Variants in KRT5 observed in about 807,000 individuals in gnomAD.
The protein encoded by KRT5 is keratin, type II cytoskeletal 5.
KRT5 carries 17 observed loss-of-function variants against 44.0 expected under a neutral mutation model. The ratio of observed to expected loss-of-function variants is 0.39; its 90% CI spans 0.26 to 0.58. The LOEUF (loss-of-function observed/expected upper bound fraction) is 0.58, where lower values mean the gene tolerates loss of function less well. Among genes scored for constraint, KRT5 ranks in the 20% least tolerant of loss-of-function variants. The pLI is 0.61. For missense variants in KRT5, 737 were observed against 785.5 expected, an observed-to-expected ratio of 0.94 and a Z score of 0.74; for synonymous variants, 329 against 312.8, an observed-to-expected ratio of 1.05 and a Z score of -0.55.
In KRT5 at chr12:52,514,984, A is replaced by G. The variant is rs374289543; in HGVS notation, c.1731T>C (p.Phe577=). 6 of 1,613,444 alleles carry G rather than the reference A, an allele frequency of 3.7e-6. No homozygotes were observed. In the African/African-American group the frequency reaches 6.7e-5, roughly 18 times the overall value. Residue 577 remains phenylalanine (F), a synonymous_variant, in exon 9 of 9, where the codon TTT becomes TTC. Coordinates refer to ENST00000252242, the MANE Select transcript of KRT5 (RefSeq NM_000424.4). The part of the protein sequence containing the change: ...SGGGSSSSVK[F]VSTTSSSRKS... ...TCCGGGAGGAGGAGGTGGTGGAGAC[A>G]AATTTGACGCTGGAGCTGCTACCCC...
rs1322269508 is a variant in KRT5, at chr12:52,516,807, C to G, written c.1269G>C (p.Leu423=). 6.2e-7 allele frequency: 1 copy of G among 1,614,092 alleles called. No individual in the cohort carries two copies. Residue 423 remains leucine, a synonymous_variant, in exon 7 of 9, where the codon CTG becomes CTC. Coordinates refer to ENST00000252242, the MANE Select transcript of KRT5 (RefSeq NM_000424.4). ...AIADAEQRGE[L]ALKDARNKLA... Reference sequence around the variant, plus strand: ...GCTTGTTCCTGGCATCCTTGAGGGCCAGCTCCCCACGCTGCTCGGCATCCG... The same window carrying G: ...GCTTGTTCCTGGCATCCTTGAGGGCGAGCTCCCCACGCTGCTCGGCATCCG...
intron 2 of KRT5, 37 bp from the exon 3 acceptor site, chr12:52,518,200 A>T (rs766601150): frequency 1.3e-6 from 2 of 1,597,038 alleles, no homozygotes; most frequent in South Asian, 2.2e-5. Context: ...TTGTCAGAGG[A>T]TGAGCAACAG....
intron 1 of KRT5, 109 bp from the exon 2 acceptor site, chr12:52,519,269 A>AC: frequency 1.3e-6 from 2 of 1,508,740 alleles, no homozygotes; most frequent in Non-Finnish European, 1.8e-6. Flanking sequence ...TTTTCTGTGC[A>AC]CTGTGCCTGG....
chr12:52,516,701 T>C lies in KRT5; in HGVS notation c.1375A>G (p.Thr459Ala), dbSNP rs1343526933. Residue 459 changes from threonine to alanine, a missense_variant, in exon 7 of 9, where the codon ACC (threonine) becomes GCC (alanine). By Grantham distance (58) the Thr-to-Ala change is moderately conservative (BLOSUM62 0). Around this residue, in one of 5 missense-constraint regions of KRT5, gnomAD observed 344 missense variants for 351.6 expected, o/e 0.98. Transcript: ENST00000252242. ...ATCTCCACGTCCAGGGCCAGCTTGGTGTTCATGAGCTCCTGGTACTCACGC... is the reference window on the plus strand; with the variant it reads ...ATCTCCACGTCCAGGGCCAGCTTGGCGTTCATGAGCTCCTGGTACTCACGC... ...LLREYQELMN[T>A]KLALDVEIAT... The C allele has an allele frequency of 1.2e-6, 2 of 1,614,156 alleles. No individual in the cohort carries two copies. Among genetic ancestry groups the C allele is most frequent in the Non-Finnish European group, 1.7e-6 (2 of 1,180,022 alleles).
At position 52,517,135 on chromosome 12, in the gene KRT5, C is replaced by T; in HGVS notation, c.1190G>A (p.Arg397Lys). The change falls in exon 6 of 9, where the codon AGA becomes AAA. Residue 397 changes from arginine (R) to lysine (K), a missense_variant. Coordinates refer to ENST00000252242, the MANE Select transcript of KRT5 (RefSeq NM_000424.4). ...TTTCTTGACATTGTCAATCTCGGCT[C>T]TCAGCCTCTGGATCATCCGGTTCAT... is the stretch of plus-strand genomic sequence containing the variant. ...SEMNRMIQRL[R>K]AEIDNVKKQC... 3 of 1,614,194 alleles carry T rather than the reference C, an allele frequency of 1.9e-6. No individual in the cohort carries two copies. The highest frequency in any genetic ancestry group is 4.5e-5 in the East Asian group (2 of 44,866).
In KRT5 at chr12:52,517,162, T is replaced by C; in HGVS notation, c.1163A>G (p.Glu388Gly). 1 of 1,614,158 alleles carries C rather than the reference T, an allele frequency of 6.2e-7. No individual in the cohort carries two copies. The change falls in exon 6 of 9, where the codon GAG becomes GGG. Residue 388 changes from glutamate to glycine, a missense_variant. Around this residue, in one of 5 missense-constraint regions of KRT5, gnomAD observed 344 missense variants for 351.6 expected, o/e 0.98. Coordinates refer to ENST00000252242, the MANE Select transcript of KRT5 (RefSeq NM_000424.4). ...CAGCCTCTGGATCATCCGGTTCATC[T>C]CAGAGATCTCATGCTTGGTGTTGCG... ...DLRNTKHEIS[E>G]MNRMIQRLRA...
intron 5 of KRT5, 132 bp downstream of exon 5, chr12:52,517,458 A>C (rs1938628641): frequency 9.0e-7 from 1 of 1,106,264 alleles, no homozygotes; most frequent in South Asian, 1.2e-5. Flanking sequence ...AATTGTCTAC[A>C]CAGCCATTCC....
At chr12:52,519,673 T>C in intron 1 of KRT5, 69 bp downstream of exon 1, 1 of 1,481,066 alleles carries the variant, frequency 6.8e-7, no homozygotes, top group Non-Finnish European at 9.4e-7. Flanking sequence ...CAAAACATCT[T>C]CCTTCTTTCT....
In KRT5 at chr12:52,519,998, C is replaced by T. The variant is rs780359251; in HGVS notation, c.299G>A (p.Gly100Asp). Residue 100 changes from glycine to aspartate, a missense_variant, in exon 1 of 9, where the codon GGT (glycine) becomes GAT (aspartate). Physicochemically the swap from Gly to Asp is moderately conservative, Grantham distance 94 (BLOSUM62 -1). Transcript: ENST00000252242. ...GAGGGYGFGGGAGSGFGFGGG... is the reference protein window; with the variant it reads ...GAGGGYGFGGDAGSGFGFGGG... ...GCCGAAACCAAATCCACTACCGGCA[C>T]CACCTCCAAAGCCATAGCCGCCTCC... 7 of 1,614,050 alleles carry T rather than the reference C, an allele frequency of 4.3e-6. No individual in the cohort carries two copies. In the Admixed American group the frequency reaches 1.2e-4, roughly 27 times the overall value.
chr12:52,517,682 C>G lies in KRT5; in HGVS notation c.1000G>C (p.Asp334His). ...VLSMDNNRNL[D>H]LDSIIAEVKA... ...ACCTCAGCGATGATGCTATCCAGGTCCAGGTTGCGGTTGTTGTCCATGGAG... is the reference window on the plus strand; with the variant it reads ...ACCTCAGCGATGATGCTATCCAGGTGCAGGTTGCGGTTGTTGTCCATGGAG... Residue 334 changes from aspartate (D) to histidine (H), a missense_variant, in exon 5 of 9, where the codon GAC becomes CAC. By Grantham distance (81) the Asp-to-His change is moderately conservative. Coordinates refer to ENST00000252242, the MANE Select transcript of KRT5 (RefSeq NM_000424.4). The G allele has an allele frequency of 1.2e-6, 2 of 1,614,200 alleles. No individual in the cohort carries two copies. The highest frequency in any genetic ancestry group is 1.7e-6 in the Non-Finnish European group (2 of 1,180,046).
chr12:52,519,456 T>C (rs950746353), intron 1 of KRT5: 3 of 627,262 alleles, frequency 4.8e-6, no homozygotes, highest in Non-Finnish European at 8.3e-6. Context: ...TCTACCTTCC[T>C]GTACAGTCAG....
In KRT5 at chr12:52,519,970, A is replaced by G. The variant is rs1565594079; in HGVS notation, c.327T>C (p.Gly109=). 12 of 1,612,410 alleles carry G rather than the reference A, an allele frequency of 7.4e-6. No homozygotes were observed. The highest frequency in any genetic ancestry group is 9.3e-6 in the Non-Finnish European group (11 of 1,179,088). ...GGAGSGFGFG[G]GAGGGFGLGG... ...CGAGCCCAAAGCCACCACCAGCTCC[A>G]CCGCCGAAACCAAATCCACTACCGG... Residue 109 remains glycine, a synonymous_variant, in exon 1 of 9, where the codon GGT becomes GGC. Coordinates refer to ENST00000252242, the MANE Select transcript of KRT5 (RefSeq NM_000424.4).
chr12:52,520,382 A>C lies in KRT5; in HGVS notation c.-86T>G. ...AGAACAGAGCTCAGCAGGACGCAGAAGGTGGCTCTGTTACCCAGGAACGGT... is the reference window on the plus strand; with the variant it reads ...AGAACAGAGCTCAGCAGGACGCAGACGGTGGCTCTGTTACCCAGGAACGGT... On this transcript the variant is annotated 5_prime_UTR_variant, in exon 1 of 9. Coordinates refer to ENST00000252242, the MANE Select transcript of KRT5 (RefSeq NM_000424.4). 1 of 1,323,624 alleles carries C rather than the reference A, an allele frequency of 7.6e-7. No homozygotes were observed. Among genetic ancestry groups the C allele is most frequent in the South Asian group, 1.2e-5 (1 of 82,156 alleles). The allele number at this position is 1,323,624 out of a possible 1,614,324, so 82.0% of individuals were successfully genotyped here. A position where few individuals can be genotyped will look rare whatever the true frequency, so the allele number is the denominator to read the frequency against.
At chr12:52,517,062 T>G (rs747659373) in intron 6 of KRT5, 45 bp downstream of exon 6, 27 of 1,612,542 alleles carry the variant, frequency 1.7e-5, no homozygotes, top group Non-Finnish European at 2.3e-5. Context: ...GGTGTTTCTT[T>G]TAGAACTCAG....
In KRT5 at chr12:52,515,235, C is replaced by G; in HGVS notation, c.1480G>C (p.Val494Leu). The G allele has an allele frequency of 6.2e-7, 1 of 1,606,718 alleles. No homozygotes were observed. Among genetic ancestry groups the G allele is most frequent in the Non-Finnish European group, 8.5e-7 (1 of 1,179,938 alleles). Residue 494 changes from valine (V) to leucine (L), a missense_variant, in exon 9 of 9, where the codon GTC becomes CTC. Val to Leu is a conservative substitution (Grantham distance 32, BLOSUM62 1). Around this residue, in one of 5 missense-constraint regions of KRT5, gnomAD observed 344 missense variants for 351.6 expected, o/e 0.98. Transcript: ENST00000252242. ...EGVGPVNISV[V>L]TSSVSSGYGS... ...TATCCAGAGGAAACACTGCTTGTGACAACAGCTGCAGGGAAAGGAGGGAGG... is the reference window on the plus strand; with the variant it reads ...TATCCAGAGGAAACACTGCTTGTGAGAACAGCTGCAGGGAAAGGAGGGAGG...
At chr12:52,515,437 G>C in intron 8 of KRT5, 197 bp from the exon 9 acceptor site, 3 of 719,560 alleles carry the variant, frequency 4.2e-6, no homozygotes, top group Non-Finnish European at 2.4e-6. Context: ...GCTAGGTACT[G>C]AGAGGAGCTA....
intron 5 of KRT5, 24 bp downstream of exon 5, chr12:52,517,566 G>T: frequency 6.2e-7 from 1 of 1,612,870 alleles, no homozygotes; most frequent in Non-Finnish European, 8.5e-7. Flanking sequence ...CCCTCACTCA[G>T]GAGACAGTCA....
intron 2 of KRT5, 33 bp downstream of exon 2, chr12:52,518,913 C>T (rs200234503): frequency 1.9e-6 from 3 of 1,613,470 alleles, no homozygotes; most frequent in South Asian, 1.1e-5. Context: ...AAGACACCAC[C>T]CTCCCCTGTG....
intron 7 of KRT5, 33 bp downstream of exon 7, chr12:52,516,604 G>A (rs770741540): frequency 1.2e-6 from 2 of 1,605,688 alleles, no homozygotes; most frequent in African/African-American, 1.3e-5. Flanking sequence ...TTTATCAGCT[G>A]AAGGCCATCT....
Sources: allele counts gnomAD v4.1 joint callset, GRCh38; gene constraint gnomAD v4.1.1; regional missense constraint gnomAD v4.1.1; transcripts MANE v1.5; gene names NCBI Gene and HGNC (gene_info 2026-07-23, HGNC 2026-07-21).